Variants in KIRREL3 observed in about 807,000 individuals in gnomAD.
KIRREL3 encodes the protein kin of IRRE-like protein 3.
In KIRREL3, 36 loss-of-function variants were observed where a neutral mutation model predicts 89.7. The observed-to-expected ratio is 0.40, with a 90% CI of 0.31 to 0.53. KIRREL3 has a LOEUF of 0.53. Ranked by LOEUF, KIRREL3 falls within the 20% of genes least tolerant of loss-of-function variation. KIRREL3 has a pLI of 0.49. For missense variants in KIRREL3, 864 were observed against 1,056.6 expected, an observed-to-expected ratio of 0.82 and a Z score of 2.53; for synonymous variants, 445 against 441.4, an observed-to-expected ratio of 1.01 and a Z score of -0.10.
chr11:126,425,119 G>T, intron 16 of KIRREL3, 96 bp from the exon 17 acceptor site: 2 of 1,205,454 alleles, frequency 1.7e-6, no homozygotes, highest in Non-Finnish European at 2.3e-6. Context: ...ATGCGGGGAG[G>T]GAAGAGGGAA....
chr11:126,569,517 G>A lies in KIRREL3; in HGVS notation c.56-6605C>T, dbSNP rs1336838746. 6.6e-6 allele frequency among the ~76,000 whole-genome samples: 1 copy of A among 152,092 alleles called. No homozygotes were observed. The highest frequency in any genetic ancestry group is 2.1e-4 in the South Asian group (1 of 4,830). ...ACTAAGTGCTGGGCACTATGTGCAAGAGAAAAAAATAGTAGGCAAACTTCC... is the reference window on the plus strand; with the variant it reads ...ACTAAGTGCTGGGCACTATGTGCAAAAGAAAAAAATAGTAGGCAAACTTCC... On this transcript the variant is annotated intron_variant, in intron 1 of 16. Coordinates refer to ENST00000525144, the MANE Select transcript of KIRREL3 (RefSeq NM_032531.4). The surrounding 1 kb of genome is among the most constrained non-coding windows in gnomAD (Gnocchi z 6.5).
At position 126,782,333 on chromosome 11, in the gene KIRREL3, G is replaced by T. The variant is rs570384911; in HGVS notation, c.55+218122C>A. Among the ~76,000 whole-genome samples, 3 of 152,346 alleles carry T rather than the reference G, an allele frequency of 2.0e-5. No individual in the cohort carries two copies. In the South Asian group the frequency reaches 6.2e-4, roughly 32 times the overall value. ...AGCTGAGATTTTTTGATGTTTATTT[G>T]TTCCTGCAGCTTTGCCTGGCTTATT... On this transcript the variant is annotated intron_variant, in intron 1 of 16. Transcript: ENST00000525144. This position sits in a 1 kb window ranked among gnomAD's most constrained non-coding sequence, Gnocchi z 4.1.
At chr11:126,512,578 T>TTA (rs911963651) in intron 4 of KIRREL3, among the ~76,000 whole-genome samples, 1 of 152,104 alleles carries the variant, frequency 6.6e-6, no homozygotes, top group Non-Finnish European at 1.5e-5. Flanking sequence ...CCCCCGCATG[T>TTA]TATAGGAAGG....
At position 126,431,328 on chromosome 11, in the gene KIRREL3, T is replaced by C. The variant is rs1565443716; in HGVS notation, c.1696+91A>G. 1.3e-6 allele frequency: 2 copies of C among 1,562,958 alleles called. No homozygotes were observed. Among genetic ancestry groups the C allele is most frequent in the African/African-American group, 1.4e-5 (1 of 73,562 alleles). ...ACAGCACTGTTAGGACCCCTGTTCATTGCACTCCTGCTTACTTGCTCTCCG... is the reference window on the plus strand; with the variant it reads ...ACAGCACTGTTAGGACCCCTGTTCACTGCACTCCTGCTTACTTGCTCTCCG... On this transcript the variant is annotated intron_variant, in intron 14 of 16. Transcript: ENST00000525144. This position sits in a 1 kb window ranked among gnomAD's most constrained non-coding sequence, Gnocchi z 7.1.
At chr11:126,852,189 G>T (rs2134569560) in intron 1 of KIRREL3, among the ~76,000 whole-genome samples, 1 of 152,098 alleles carries the variant, frequency 6.6e-6, no homozygotes, top group South Asian at 2.1e-4. Context: ...AAGTAGCTGG[G>T]ACCACAGGTG....
intron 1 of KIRREL3, among the ~76,000 whole-genome samples, chr11:126,798,387 C>A (rs1432911446): frequency 6.6e-6 from 1 of 152,116 alleles, no homozygotes; most frequent in African/African-American, 2.4e-5. Flanking sequence ...CATTGAGTAT[C>A]CAGTGGATGG....
chr11:126,550,512 G>T lies in KIRREL3; in HGVS notation c.133+12323C>A, dbSNP rs1011592141. 6.6e-5 allele frequency: 10 copies of T among 152,378 alleles called. No individual in the cohort carries two copies. The highest frequency in any genetic ancestry group is 3.4e-3 in the Middle Eastern group (1 of 294). 9.4% of individuals were successfully genotyped at this position (152,378 alleles called of 1,614,324 possible). Reference sequence around the variant, plus strand: ...ACATACAAAAAATCAGCCAAGTGAGGTGGTGGGTGCCTGTAATCCCAGCTA... The same window carrying T: ...ACATACAAAAAATCAGCCAAGTGAGTTGGTGGGTGCCTGTAATCCCAGCTA... On this transcript the variant is annotated intron_variant, in intron 2 of 16. Transcript: ENST00000525144. This position sits in a 1 kb window ranked among gnomAD's most constrained non-coding sequence, Gnocchi z 4.9.
Position 126,445,043 on chromosome 11 carries a change from G to A in KIRREL3, c.1188C>T (p.Tyr396=), listed in dbSNP as rs779584329. The change falls in exon 10 of 17, where the codon TAC becomes TAT. Residue 396 remains tyrosine, a synonymous_variant. Transcript: ENST00000525144. ...CACGGGGCACCACAGCCCGGCACAC[G>A]TACTTGCCCGCGTCCTCCTGGCGCA... is the stretch of plus-strand genomic sequence containing the variant. ...KSVRQEDAGK[Y]VCRAVVPRVG... 1.5e-5 allele frequency: 25 copies of A among 1,613,868 alleles called. No individual in the cohort carries two copies. In the South Asian group the frequency reaches 2.0e-4, roughly 13 times the overall value.
chr11:126,515,915 G>A lies in KIRREL3; in HGVS notation c.433+5400C>T, dbSNP rs1056535740. ...TTAGAAGCCAGCACCCTCGAGGTCTGTTCCAGCTCTGCCTTCCTTTGCTGG... is the reference window on the plus strand; with the variant it reads ...TTAGAAGCCAGCACCCTCGAGGTCTATTCCAGCTCTGCCTTCCTTTGCTGG... On this transcript the variant is annotated intron_variant, in intron 4 of 16. Coordinates refer to ENST00000525144, the MANE Select transcript of KIRREL3 (RefSeq NM_032531.4). The surrounding 1 kb of genome is among the most constrained non-coding windows in gnomAD (Gnocchi z 4.2). Among the ~76,000 whole-genome samples, 4 of 152,188 alleles carry A rather than the reference G, an allele frequency of 2.6e-5. No individual in the cohort carries two copies. Among genetic ancestry groups the A allele is most frequent in the Non-Finnish European group, 5.9e-5 (4 of 68,032 alleles).
rs546023434 is a variant in KIRREL3 at position 126,925,111 on chromosome 11, G to A, written c.55+75344C>T. ...CATAAAAAGGTCGGGGGGGGGGGGG[G>A]GCTGTTGGTCACAGGATTGTGCAAA... On this transcript the variant is annotated intron_variant, in intron 1 of 16. Transcript: ENST00000525144. 9.3e-5 allele frequency among the ~76,000 whole-genome samples: 12 copies of A among 129,432 alleles called. No homozygotes were observed. In the South Asian group the frequency reaches 1.7e-3, roughly 18 times the overall value. 84.9% of individuals were successfully genotyped at this position (129,432 alleles called of 152,430 possible).
rs1441890754 is a variant in KIRREL3 at position 126,755,205 on chromosome 11, C to T, written c.56-192293G>A. Reference sequence around the variant, plus strand: ...GGCCCAAAGGTAGGGCATTAAGTAACCAGAGGGAAAAAAATGTATTCCCAT... The same window carrying T: ...GGCCCAAAGGTAGGGCATTAAGTAATCAGAGGGAAAAAAATGTATTCCCAT... On this transcript the variant is annotated intron_variant, in intron 1 of 16. Coordinates refer to ENST00000525144, the MANE Select transcript of KIRREL3 (RefSeq NM_032531.4). The surrounding 1 kb of genome is among the most constrained non-coding windows in gnomAD (Gnocchi z 4.3). Among the ~76,000 whole-genome samples, 1 of 152,122 alleles carries T rather than the reference C, an allele frequency of 6.6e-6. No homozygotes were observed. Among genetic ancestry groups the T allele is most frequent in the African/African-American group, 2.4e-5 (1 of 41,416 alleles).
chr11:126,639,364 A>G lies in KIRREL3; in HGVS notation c.56-76452T>C, dbSNP rs1944384794. Among the ~76,000 whole-genome samples the G allele has an allele frequency of 6.6e-6, 1 of 152,216 alleles. No individual in the cohort carries two copies. The highest frequency in any genetic ancestry group is 2.1e-4 in the South Asian group (1 of 4,832). On this transcript the variant is annotated intron_variant, in intron 1 of 16. Coordinates refer to ENST00000525144, the MANE Select transcript of KIRREL3 (RefSeq NM_032531.4). The surrounding 1 kb of genome is among the most constrained non-coding windows in gnomAD (Gnocchi z 4.3). ...TCCTTTTCTTTTTGTACCTCTGGGT[A>G]AGCAAAAGGAAAAACGTTCCTTTGC...
intron 1 of KIRREL3, among the ~76,000 whole-genome samples, chr11:126,819,784 C>T (rs1485235447): frequency 6.6e-6 from 1 of 152,194 alleles, no homozygotes; most frequent in Non-Finnish European, 1.5e-5. Context: ...GACTCACTAC[C>T]AATAACTAAC....
Position 126,445,115 on chromosome 11 carries a change from T to G in KIRREL3, c.1126-10A>C, listed in dbSNP as rs773796808. On this transcript the variant is annotated splice_polypyrimidine_tract_variant and intron_variant, in intron 9 of 16. Transcript: ENST00000525144. ...TCTCATTGCTCAGGACCTAGGAGAATTGGCAGGCTCAGATGCCAAGAGCAG... is the reference window on the plus strand; with the variant it reads ...TCTCATTGCTCAGGACCTAGGAGAAGTGGCAGGCTCAGATGCCAAGAGCAG... 2.5e-6 allele frequency: 4 copies of G among 1,613,708 alleles called. No individual in the cohort carries two copies. In the South Asian group the frequency reaches 3.3e-5, roughly 13 times the overall value.
chr11:126,897,307 G>C lies in KIRREL3; in HGVS notation c.55+103148C>G, dbSNP rs887320612. 6.6e-6 allele frequency among the ~76,000 whole-genome samples: 1 copy of C among 152,128 alleles called. No individual in the cohort carries two copies. Among genetic ancestry groups the C allele is most frequent in the Non-Finnish European group, 1.5e-5 (1 of 68,018 alleles). On this transcript the variant is annotated intron_variant, in intron 1 of 16. Coordinates refer to ENST00000525144, the MANE Select transcript of KIRREL3 (RefSeq NM_032531.4). This position sits in a 1 kb window ranked among gnomAD's most constrained non-coding sequence, Gnocchi z 4.2. Reference sequence around the variant, plus strand: ...GTCCTGGAATGTCCAGGACTGAGGGGACAGTCATGAGGGGGAGATGACACA... The same window carrying C: ...GTCCTGGAATGTCCAGGACTGAGGGCACAGTCATGAGGGGGAGATGACACA...
At chr11:126,893,785 C>A (rs1946023946) in intron 1 of KIRREL3, among the ~76,000 whole-genome samples, 1 of 152,170 alleles carries the variant, frequency 6.6e-6, no homozygotes. Context: ...TTATAAATAC[C>A]TTAACATTCA....
In KIRREL3 at chr11:126,436,861, G is replaced by C; in HGVS notation, c.1502C>G (p.Ala501Gly). ...AGTGTCGGAGCCGAAGCTGTTCCAG[G>C]CCGTGCAGTTGTAGATGGTCTGGAA... ...ADFQTIYNCT[A>G]WNSFGSDTEI... The change falls in exon 12 of 17, where the codon GCC becomes GGC. Residue 501 changes from alanine to glycine, a missense_variant. Transcript: ENST00000525144. The C allele has an allele frequency of 6.2e-7, 1 of 1,613,756 alleles. No individual in the cohort carries two copies. The highest frequency in any genetic ancestry group is 2.2e-5 in the East Asian group (1 of 44,888).
In KIRREL3 at chr11:126,594,418, A is replaced by T. The variant is rs1045302330; in HGVS notation, c.56-31506T>A. Among the ~76,000 whole-genome samples, 2 of 152,164 alleles carry T rather than the reference A, an allele frequency of 1.3e-5. No individual in the cohort carries two copies. Among genetic ancestry groups the T allele is most frequent in the Non-Finnish European group, 2.9e-5 (2 of 68,022 alleles). Reference sequence around the variant, plus strand: ...CCTTTAGACTCCAATCTTCTTGGAGAAGCTACAGGGTGTAGGAGAAAGAAC... The same window carrying T: ...CCTTTAGACTCCAATCTTCTTGGAGTAGCTACAGGGTGTAGGAGAAAGAAC... On this transcript the variant is annotated intron_variant, in intron 1 of 16. Transcript: ENST00000525144. This position sits in a 1 kb window ranked among gnomAD's most constrained non-coding sequence, Gnocchi z 5.0.
chr11:126,937,096 C>T (rs1470142300), intron 1 of KIRREL3: 1 of 152,112 alleles, frequency 6.6e-6, no homozygotes, highest in Non-Finnish European at 1.5e-5. Flanking sequence ...CATAGCCTCA[C>T]ACTTACATCA....
Sources: gnomAD v4.1 joint callset for allele counts (sites outside exome capture counted in the v4.1 genomes callset) on GRCh38, gnomAD v4.1.1 for gene constraint, Gnocchi (gnomAD v3.1) non-coding constraint, MANE v1.5 for transcripts, NCBI Gene and HGNC (gene_info 2026-07-23, HGNC 2026-07-21) for gene names.